Variants in PLCB4 observed in about 807,000 individuals in gnomAD.
PLCB4 encodes 1-phosphatidylinositol 4,5-bisphosphate phosphodiesterase beta-4.
PLCB4 carries 77 observed loss-of-function variants against 178.8 expected under a neutral mutation model. That is an observed-to-expected ratio of 0.43 (90% CI 0.36 to 0.52). The LOEUF is 0.52. Ranked by LOEUF, PLCB4 falls within the 20% of genes least tolerant of loss-of-function variation. PLCB4 has a pLI of 0.00. For missense variants in PLCB4, 1,024 were observed against 1,453.4 expected (o/e 0.70, Z 4.80); for synonymous variants, 496 against 490.8 (o/e 1.01, Z -0.14).
chr20:9,348,102 A>T (rs1453046103), intron 7 of PLCB4, among the ~76,000 whole-genome samples: 1 of 152,204 alleles, frequency 6.6e-6, no homozygotes, highest in African/African-American at 2.4e-5. Flanking sequence ...AAATCCCTAG[A>T]TAAGCTTAAC....
In PLCB4 at chr20:9,140,173, C is replaced by T. The variant is rs562361397; in HGVS notation, c.-79+43831C>T. Among the ~76,000 whole-genome samples the T allele has an allele frequency of 5.9e-5, 9 of 152,176 alleles. 1 individual carries two copies. Among genetic ancestry groups the T allele is most frequent in the Non-Finnish European group, 8.8e-5 (6 of 67,990 alleles). On this transcript the variant is annotated intron_variant, in intron 2 of 39. Coordinates refer to ENST00000378473, the MANE Select transcript of PLCB4 (RefSeq NM_001377142.1). ...GACAAGAAGGCTGTCTCCTCTCTCC[C>T]GGTCCCTATCTGTCAGCTAACTTCT... is the stretch of plus-strand genomic sequence containing the variant.
intron 2 of PLCB4, among the ~76,000 whole-genome samples, chr20:9,200,391 T>C (rs1012410049): frequency 6.6e-6 from 1 of 152,208 alleles, no homozygotes; most frequent in African/African-American, 2.4e-5. Context: ...ACCACGCCAC[T>C]GTCATCACTC....
At chr20:9,086,118 C>G (rs1221403826) in intron 1 of PLCB4, among the ~76,000 whole-genome samples, 1 of 152,062 alleles carries the variant, frequency 6.6e-6, no homozygotes, top group Non-Finnish European at 1.5e-5. Flanking sequence ...TTTACCCTGC[C>G]TGCCTCACTC....
chr20:9,109,590 A>G (rs1043066383), intron 2 of PLCB4, among the ~76,000 whole-genome samples: 1 of 152,116 alleles, frequency 6.6e-6, no homozygotes, highest in Admixed American at 6.6e-5. Flanking sequence ...TGCTTATCAA[A>G]TTATAAAAGC....
At chr20:9,223,600 C>T (rs1474213277) in intron 3 of PLCB4, among the ~76,000 whole-genome samples, 3 of 152,200 alleles carry the variant, frequency 2.0e-5, no homozygotes, top group South Asian at 4.1e-4. Context: ...GGTCTCTCTT[C>T]ATGGGCAGCT....
intron 2 of PLCB4, among the ~76,000 whole-genome samples, chr20:9,201,478 C>A (rs142156172): frequency 1.4e-3 from 212 of 152,104 alleles, no homozygotes; most frequent in African/African-American, 4.6e-3. Flanking sequence ...ATATATGCAA[C>A]CTTGTAGAGG....
chr20:9,227,804 G>C (rs2093885650), intron 3 of PLCB4, among the ~76,000 whole-genome samples: 1 of 151,936 alleles, frequency 6.6e-6, no homozygotes, highest in Admixed American at 6.6e-5. Flanking sequence ...GCTACTTGGG[G>C]GGCTCCTCTT....
chr20:9,411,149 T>TGAA, intron 25 of PLCB4, 61 bp downstream of exon 25: 1 of 1,109,048 alleles, frequency 9.0e-7, no homozygotes, highest in Non-Finnish European at 1.4e-6. Flanking sequence ...ACAGCTCTAA[T>TGAA]GAAGCCATGT....
chr20:9,458,008 T>C (rs2043160003), intron 34 of PLCB4, among the ~76,000 whole-genome samples: 1 of 152,056 alleles, frequency 6.6e-6, no homozygotes. Context: ...TAATCAACTT[T>C]GTGGGCATTT....
chr20:9,459,628 C>T lies in PLCB4; in HGVS notation c.3073-7C>T, dbSNP rs2043270226. The T allele has an allele frequency of 1.3e-6, 2 of 1,584,614 alleles. No homozygotes were observed. The highest frequency in any genetic ancestry group is 1.7e-4 in the Middle Eastern group (1 of 5,956). ...TACAATGGCACCGTCCCCTTTTTCC[C>T]AAACAGGTCAAAGAGATTGTAGCAC... On this transcript the variant is annotated splice_region_variant and splice_polypyrimidine_tract_variant and intron_variant, in intron 34 of 39. Transcript: ENST00000378473.
chr20:9,376,764 G>A (rs1475685167), intron 12 of PLCB4, among the ~76,000 whole-genome samples: 1 of 152,102 alleles, frequency 6.6e-6, no homozygotes, highest in Admixed American at 6.6e-5. Context: ...TGCAGAATTG[G>A]GAGATGGGTG....
chr20:9,183,829 G>A (rs2093286724), intron 2 of PLCB4, among the ~76,000 whole-genome samples: 1 of 152,062 alleles, frequency 6.6e-6, no homozygotes, highest in South Asian at 2.1e-4. Flanking sequence ...TGCTGTTTTT[G>A]TTGATCAAAA....
At chr20:9,319,650 T>G (rs1034417659) in intron 4 of PLCB4, among the ~76,000 whole-genome samples, 1 of 151,924 alleles carries the variant, frequency 6.6e-6, no homozygotes, top group Non-Finnish European at 1.5e-5. Flanking sequence ...AGTATCCAAG[T>G]TGAATGTCCC....
chr20:9,177,191 T>C (rs1283549124), intron 2 of PLCB4, among the ~76,000 whole-genome samples: 2 of 151,870 alleles, frequency 1.3e-5, no homozygotes, highest in Non-Finnish European at 2.9e-5. Flanking sequence ...ATATATCCAA[T>C]AGAAATAAAA....
chr20:9,467,179 A>G (rs1303374910), intron 35 of PLCB4, among the ~76,000 whole-genome samples: 1 of 152,198 alleles, frequency 6.6e-6, no homozygotes, highest in Non-Finnish European at 1.5e-5. Context: ...TATCACAAGG[A>G]CAGAAAACCA....
chr20:9,086,575 A>G (rs1310137377), intron 1 of PLCB4, among the ~76,000 whole-genome samples: 1 of 152,206 alleles, frequency 6.6e-6, no homozygotes, highest in African/African-American at 2.4e-5. Flanking sequence ...TCAGGGCCAC[A>G]TAACTAGCAA....
chr20:9,390,745 G>A (rs1602318008), intron 17 of PLCB4, 130 bp downstream of exon 17: 1 of 537,592 alleles, frequency 1.9e-6, no homozygotes, highest in African/African-American at 1.9e-5. Flanking sequence ...GGTACGGAAA[G>A]CTTACATCAT....
chr20:9,317,643 G>A (rs2094913348), intron 4 of PLCB4, among the ~76,000 whole-genome samples: 1 of 152,164 alleles, frequency 6.6e-6, no homozygotes, highest in Non-Finnish European at 1.5e-5. Context: ...AAACTAGACA[G>A]GGAAATCTGG....
At chr20:9,128,186 AGT>A (rs1319338158) in intron 2 of PLCB4, among the ~76,000 whole-genome samples, 1 of 151,796 alleles carries the variant, frequency 6.6e-6, no homozygotes, top group Non-Finnish European at 1.5e-5. Flanking sequence ...TGTTTAAAAG[AGT>A]GTGGTATGTC....
Sources: allele counts gnomAD v4.1 joint callset (sites outside exome capture counted in the v4.1 genomes callset), GRCh38; gene constraint gnomAD v4.1.1; transcripts MANE v1.5; gene names NCBI Gene and HGNC (gene_info 2026-07-23, HGNC 2026-07-21).